The following GIPC3 variants were observed in gnomAD, a reference collection of about 807,000 sequenced individuals.
GIPC3 encodes the protein GIPC PDZ domain containing family member 3, also known as PDZ domain-containing protein GIPC3.
A neutral mutation model predicts 27.3 loss-of-function variants in GIPC3; 16 were observed. That is an observed-to-expected ratio of 0.59 (90% CI 0.40 to 0.89). GIPC3 has a LOEUF of 0.89. GIPC3 is among the 40% of genes least tolerant of loss of function. GIPC3 has a pLI of 0.00. For missense variants in GIPC3, 440 were observed against 442.1 expected (o/e 1.00, Z 0.04); for synonymous variants, 194 against 184.6 (o/e 1.05, Z -0.41).
In GIPC3 at chr19:3,586,897, T is replaced by C; in HGVS notation, c.495T>C (p.Ile165=). ...DSIEAINDHS[I]VGCRHYEVAK... is the part of the protein sequence containing the mutation. ...TCGAAGCCATCAACGACCACTCCAT[T>C]GTGGGCTGCCGCCACTACGAGGTGG... Residue 165 remains isoleucine (I), a synonymous_variant, in exon 3 of 6, where the codon ATT becomes ATC. Coordinates refer to ENST00000644452, the MANE Select transcript of GIPC3 (RefSeq NM_133261.3). 5.6e-6 allele frequency: 9 copies of C among 1,613,154 alleles called. No homozygotes were observed. The highest frequency in any genetic ancestry group is 7.6e-6 in the Non-Finnish European group (9 of 1,179,942).
rs1038245395 is a variant in GIPC3, at chr19:3,591,959, C to T, written c.*1769C>T. 1 of 1,232,258 alleles carries T rather than the reference C, an allele frequency of 8.1e-7. No homozygotes were observed. Among genetic ancestry groups the T allele is most frequent in the Non-Finnish European group, 1.0e-6 (1 of 988,176 alleles). The allele number at this position is 1,232,258 out of a possible 1,614,324, so 76.3% of individuals were successfully genotyped here. On this transcript the variant is annotated 3_prime_UTR_variant, in exon 6 of 6. Transcript: ENST00000644452. ...CCTGGCCAAGCTCCAGAGCTCAATC[C>T]AGCCCAAGCACCGCACCCAGCTCTG...
intron 3 of GIPC3, among the ~76,000 whole-genome samples, chr19:3,588,738 T>C (rs2032425366): frequency 6.7e-6 from 1 of 149,386 alleles, no homozygotes; most frequent in South Asian, 2.1e-4. Flanking sequence ...AGGTCAGGAG[T>C]TCGAGACCAG....
Position 3,591,073 on chromosome 19 carries a change from A to T in GIPC3, c.*883A>T. The T allele has an allele frequency of 8.1e-7, 1 of 1,233,200 alleles. No individual in the cohort carries two copies. The highest frequency in any genetic ancestry group is 1.0e-6 in the Non-Finnish European group (1 of 988,832). The allele number at this position is 1,233,200 out of a possible 1,614,324, so 76.4% of individuals were successfully genotyped here. ...GAGACCAAGCCGTGTTCTAGAATTCAGGCCACATCTGAAGCCAAGCCCAGC... is the reference window on the plus strand; with the variant it reads ...GAGACCAAGCCGTGTTCTAGAATTCTGGCCACATCTGAAGCCAAGCCCAGC... On this transcript the variant is annotated 3_prime_UTR_variant, in exon 6 of 6. Transcript: ENST00000644452.
rs2032517529 is a variant in GIPC3, at chr19:3,593,063, G to A, written c.*2873G>A. 2 of 1,231,622 alleles carry A rather than the reference G, an allele frequency of 1.6e-6. No individual in the cohort carries two copies. The highest frequency in any genetic ancestry group is 2.0e-6 in the Non-Finnish European group (2 of 988,290). The allele number at this position is 1,231,622 out of a possible 1,614,324, so 76.3% of individuals were successfully genotyped here. A position where few individuals can be genotyped will look rare whatever the true frequency, so the allele number is the denominator to read the frequency against. ...CAGGCTTACCCCAAGCCTCCTACCT[G>A]GCCCCACAGTCACAGGTCTCCTCAA... On this transcript the variant is annotated 3_prime_UTR_variant, in exon 6 of 6. Coordinates refer to ENST00000644452, the MANE Select transcript of GIPC3 (RefSeq NM_133261.3).
rs764713230 is a variant in GIPC3 at position 3,586,686 on chromosome 19, C to T, written c.411+6C>T. Reference sequence around the variant, plus strand: ...CTGGCTACGCCTTCATCAAGGTGCCCGGGAGGGGGTGGGCGGGTGGCTTCC... The same window carrying T: ...CTGGCTACGCCTTCATCAAGGTGCCTGGGAGGGGGTGGGCGGGTGGCTTCC... On this transcript the variant is annotated splice_donor_region_variant and intron_variant, in intron 2 of 5. Transcript: ENST00000644452. 8.0e-5 allele frequency: 33 copies of T among 412,770 alleles called. No homozygotes were observed. The highest frequency in any genetic ancestry group is 4.6e-4 in the South Asian group (28 of 61,474). The allele number at this position is 412,770 out of a possible 1,614,324, so 25.6% of individuals were successfully genotyped here. A position where few individuals can be genotyped will look rare whatever the true frequency, so the allele number is the denominator to read the frequency against.
Position 3,590,076 on chromosome 19 carries a change from C to A in GIPC3, c.825C>A (p.Ser275Arg), listed in dbSNP as rs757685416. ...TGGAGACGTCCAAGAAGACAGCGAGCGCCCAGGAGTTTGCACGCTGTTTAG... is the reference window on the plus strand; with the variant it reads ...TGGAGACGTCCAAGAAGACAGCGAGAGCCCAGGAGTTTGCACGCTGTTTAG... ...TMVETSKKTASAQEFARCLDS... is the reference protein window; with the variant it reads ...TMVETSKKTARAQEFARCLDS... The change falls in exon 6 of 6, where the codon AGC becomes AGA. Residue 275 changes from serine (S) to arginine (R), a missense_variant. Transcript: ENST00000644452. The A allele has an allele frequency of 6.2e-7, 1 of 1,611,352 alleles. No homozygotes were observed. Among genetic ancestry groups the A allele is most frequent in the African/African-American group, 1.3e-5 (1 of 75,050 alleles).
At chr19:3,586,714 G>A (rs958425987) in intron 2 of GIPC3, 34 bp downstream of exon 2, 7 of 1,610,070 alleles carry the variant, frequency 4.3e-6, no homozygotes, top group Admixed American at 1.7e-5. Context: ...TGGCTTCCTG[G>A]GGTCCAGCAA....
Position 3,585,719 on chromosome 19 carries a change from C to T in GIPC3, c.122C>T (p.Thr41Met). 2 of 1,483,674 alleles carry T rather than the reference C, an allele frequency of 1.3e-6. No individual in the cohort carries two copies. The highest frequency in any genetic ancestry group is 1.8e-6 in the Non-Finnish European group (2 of 1,112,484). 91.9% of individuals were successfully genotyped at this position (1,483,674 alleles called of 1,614,324 possible). A position where few individuals can be genotyped will look rare whatever the true frequency, so the allele number is the denominator to read the frequency against. ...PRARPRLVFRTQLAHGSPTGK... is the reference protein window; with the variant it reads ...PRARPRLVFRMQLAHGSPTGK... ...GCCCGCCCGCGCCTCGTCTTCCGCA[C>T]GCAGCTGGCGCACGGGAGCCCCACG... Residue 41 changes from threonine to methionine, a missense_variant, in exon 1 of 6, where the codon ACG (threonine) becomes ATG (methionine). By Grantham distance (81) the Thr-to-Met change is moderately conservative. Coordinates refer to ENST00000644452, the MANE Select transcript of GIPC3 (RefSeq NM_133261.3).
chr19:3,588,576 G>A (rs1359642278), intron 3 of GIPC3, among the ~76,000 whole-genome samples: 2 of 146,236 alleles, frequency 1.4e-5, no homozygotes, highest in Non-Finnish European at 3.0e-5. Flanking sequence ...GCTCACACCT[G>A]TAATCCCAGC....
rs1247717470 is a variant in GIPC3, at chr19:3,592,159, G to T, written c.*1969G>T. The T allele has an allele frequency of 3.2e-6, 4 of 1,231,984 alleles. No homozygotes were observed. The highest frequency in any genetic ancestry group is 3.0e-6 in the Non-Finnish European group (3 of 988,108). The allele number at this position is 1,231,984 out of a possible 1,614,324, so 76.3% of individuals were successfully genotyped here. A position where few individuals can be genotyped will look rare whatever the true frequency, so the allele number is the denominator to read the frequency against. ...GAATTAAGCTCCACAGCCCTGTCTA[G>T]TTCCGACAGCAGGTCCAGCTCCAGG... On this transcript the variant is annotated 3_prime_UTR_variant, in exon 6 of 6. Transcript: ENST00000644452.
chr19:3,590,810 C>T lies in GIPC3; in HGVS notation c.*620C>T, dbSNP rs528641275. The T allele has an allele frequency of 8.1e-7, 1 of 1,236,176 alleles. No homozygotes were observed. The highest frequency in any genetic ancestry group is 4.2e-5 in the Admixed American group (1 of 23,888). The allele number at this position is 1,236,176 out of a possible 1,614,324, so 76.6% of individuals were successfully genotyped here. A position where few individuals can be genotyped will look rare whatever the true frequency, so the allele number is the denominator to read the frequency against. ...AGATGGGCTCTGAGACCGAGCCCAG[C>T]TCTAGAACTCAGATGGGCTCTGAGA... On this transcript the variant is annotated 3_prime_UTR_variant, in exon 6 of 6. Coordinates refer to ENST00000644452, the MANE Select transcript of GIPC3 (RefSeq NM_133261.3).
Position 3,592,994 on chromosome 19 carries a change from C to T in GIPC3, c.*2804C>T. The T allele has an allele frequency of 8.1e-7, 1 of 1,231,334 alleles. No individual in the cohort carries two copies. The highest frequency in any genetic ancestry group is 3.2e-5 in the East Asian group (1 of 31,684). 76.3% of individuals were successfully genotyped at this position (1,231,334 alleles called of 1,614,324 possible). ...AAGACCCCCAGCCTCTGCCTCAGCC[C>T]CATGATCAGGTATGTGGCATCCAGG... On this transcript the variant is annotated 3_prime_UTR_variant, in exon 6 of 6. Coordinates refer to ENST00000644452, the MANE Select transcript of GIPC3 (RefSeq NM_133261.3).
In GIPC3 at chr19:3,586,377, C is replaced by G. The variant is rs1599862206; in HGVS notation, c.226-118C>G. On this transcript the variant is annotated intron_variant, in intron 1 of 5. Transcript: ENST00000644452. Reference sequence around the variant, plus strand: ...CTCTCTGTTCTGGGGGTCCCACGCCCTGCCCTTTCCCATGGGCTGGGATCC... The same window carrying G: ...CTCTCTGTTCTGGGGGTCCCACGCCGTGCCCTTTCCCATGGGCTGGGATCC... 9 of 910,490 alleles carry G rather than the reference C, an allele frequency of 9.9e-6. No homozygotes were observed. The South Asian group carries it at 1.2e-4, about 13-fold the overall frequency. 56.4% of individuals were successfully genotyped at this position (910,490 alleles called of 1,614,324 possible).
chr19:3,591,436 C>G lies in GIPC3; in HGVS notation c.*1246C>G. 8.1e-7 allele frequency: 1 copy of G among 1,232,364 alleles called. No homozygotes were observed. The highest frequency in any genetic ancestry group is 1.0e-6 in the Non-Finnish European group (1 of 988,196). 76.3% of individuals were successfully genotyped at this position (1,232,364 alleles called of 1,614,324 possible). Reference sequence around the variant, plus strand: ...ACCAAGCCCTGCTGGAAAACTCAAGCTGACTCTGGAACTCTGGACAGCTCC... The same window carrying G: ...ACCAAGCCCTGCTGGAAAACTCAAGGTGACTCTGGAACTCTGGACAGCTCC... On this transcript the variant is annotated 3_prime_UTR_variant, in exon 6 of 6. Transcript: ENST00000644452.
chr19:3,587,706 T>TTTTTTTTTTTG, intron 3 of GIPC3, among the ~76,000 whole-genome samples: 1 of 149,854 alleles, frequency 6.7e-6, no homozygotes, highest in African/African-American at 2.4e-5. Flanking sequence ...TTTTTTTTTT[T>TTTTTTTTTTTG]TTGAGACGGA....
intron 3 of GIPC3, among the ~76,000 whole-genome samples, chr19:3,587,473 G>C (rs911916719): frequency 6.6e-6 from 1 of 151,708 alleles, no homozygotes; most frequent in Non-Finnish European, 1.5e-5. Context: ...GTAGAGACGG[G>C]GTTTCACCAT....
rs913574870 is a variant in GIPC3 at position 3,589,549 on chromosome 19, G to A, written c.699G>A (p.Glu233=). 1.2e-6 allele frequency: 2 copies of A among 1,612,950 alleles called. No individual in the cohort carries two copies. Among genetic ancestry groups the A allele is most frequent in the Admixed American group, 1.7e-5 (1 of 60,016 alleles). ...RLRSGGAATV[E]EAPSEFEEEA... is the part of the protein sequence containing the mutation. ...GTTCTGGGGGGGCTGCCACAGTGGAGGAAGCGGTGAGTGAAGGGGAGGGGC... is the reference window on the plus strand; with the variant it reads ...GTTCTGGGGGGGCTGCCACAGTGGAAGAAGCGGTGAGTGAAGGGGAGGGGC... Residue 233 remains glutamate, a synonymous_variant, in exon 4 of 6, where the codon GAG becomes GAA. Transcript: ENST00000644452.
At chr19:3,587,529 G>A (rs1356673517) in intron 3 of GIPC3, among the ~76,000 whole-genome samples, 1 of 152,020 alleles carries the variant, frequency 6.6e-6, no homozygotes, top group African/African-American at 2.4e-5. Flanking sequence ...TGCTCCACCC[G>A]CCTCAGTCTC....
At chr19:3,587,878 A>G (rs964470426) in intron 3 of GIPC3, among the ~76,000 whole-genome samples, 1 of 150,822 alleles carries the variant, frequency 6.6e-6, no homozygotes, top group African/African-American at 2.4e-5. Flanking sequence ...TTTAGTAGAG[A>G]TGAGGTTTTA....
Sources: allele counts gnomAD v4.1 joint callset (sites outside exome capture counted in the v4.1 genomes callset), GRCh38; gene constraint gnomAD v4.1.1; transcripts MANE v1.5; gene names NCBI Gene and HGNC (gene_info 2026-07-23, HGNC 2026-07-21).